PACRG: variants seen among roughly 807,000 people sequenced by gnomAD.
PACRG encodes parkin coregulated, also known as parkin coregulated gene protein.
In PACRG, 29 loss-of-function variants were observed where a neutral mutation model predicts 29.7. The observed-to-expected ratio is 0.98, with a 90% CI of 0.73 to 1.33. The LOEUF (loss-of-function observed/expected upper bound fraction) is 1.33, where lower values mean the gene tolerates loss of function less well. Among genes scored for constraint, PACRG ranks in the 40% most tolerant of loss-of-function variants. The probability of loss-of-function intolerance (pLI) is 0.00; values close to 1 mark genes in which losing one functional copy is unlikely to be tolerated. For synonymous variants in PACRG, 116 were observed against 118.7 expected (o/e 0.98, Z 0.15); for missense variants, 279 against 316.2 (o/e 0.88, Z 0.89).
intron 4 of PACRG, among the ~76,000 whole-genome samples, chr6:163,192,670 G>T (rs1034635680): frequency 6.6e-6 from 1 of 152,068 alleles, no homozygotes; most frequent in Non-Finnish European, 1.5e-5. Context: ...TTATCATAGC[G>T]TACAAAGCTA....
chr6:163,288,726 A>T (rs182542799), intron 4 of PACRG, among the ~76,000 whole-genome samples: 2 of 151,132 alleles, frequency 1.3e-5, no homozygotes, highest in East Asian at 3.9e-4. Flanking sequence ...CGTCTATACC[A>T]CTCAACACTT....
At chr6:163,003,332 TG>T (rs1288557898) in intron 2 of PACRG, among the ~76,000 whole-genome samples, 1 of 152,226 alleles carries the variant, frequency 6.6e-6, no homozygotes, top group Admixed American at 6.5e-5. Flanking sequence ...CCATAAAGCT[TG>T]CTTCAATAAT....
intron 4 of PACRG, among the ~76,000 whole-genome samples, chr6:163,173,465 A>G (rs1299493729): frequency 6.6e-6 from 1 of 152,188 alleles, no homozygotes. Context: ...AGGGTTATAA[A>G]GATACTGCAA....
At chr6:162,926,635 A>G in intron 2 of PACRG, among the ~76,000 whole-genome samples, 1 of 152,162 alleles carries the variant, frequency 6.6e-6, no homozygotes, top group Non-Finnish European at 1.5e-5. Flanking sequence ...CCTTCCTTAC[A>G]CATTATATAA....
intron 2 of PACRG, among the ~76,000 whole-genome samples, chr6:162,967,604 T>C (rs899199988): frequency 1.3e-5 from 2 of 151,954 alleles, no homozygotes; most frequent in African/African-American, 4.8e-5. Context: ...CCTCCCGGTT[T>C]CACGCCATTC....
chr6:163,077,854 G>A (rs952316659), intron 3 of PACRG, among the ~76,000 whole-genome samples: 4 of 152,174 alleles, frequency 2.6e-5, no homozygotes, highest in African/African-American at 7.2e-5. Flanking sequence ...ATCAACATCA[G>A]GCCTCGCCCT....
At chr6:163,247,038 C>G (rs1236363759) in intron 4 of PACRG, among the ~76,000 whole-genome samples, 1 of 152,088 alleles carries the variant, frequency 6.6e-6, no homozygotes, top group Non-Finnish European at 1.5e-5. Flanking sequence ...GCCAAGGGCC[C>G]AAAAGAAAAT....
chr6:162,866,470 T>A (rs574539571), intron 2 of PACRG, among the ~76,000 whole-genome samples: 1 of 152,186 alleles, frequency 6.6e-6, no homozygotes, highest in Non-Finnish European at 1.5e-5. Flanking sequence ...CCAGGTACTA[T>A]CCTTACTGAC....
At chr6:162,859,720 G>A (rs1791696087) in intron 2 of PACRG, among the ~76,000 whole-genome samples, 1 of 152,110 alleles carries the variant, frequency 6.6e-6, no homozygotes, top group East Asian at 1.9e-4. Flanking sequence ...AAACAAATAA[G>A]CCTTGCAGAG....
intron 4 of PACRG, among the ~76,000 whole-genome samples, chr6:163,313,142 G>T (rs1026856831): frequency 6.6e-6 from 1 of 151,108 alleles, no homozygotes; most frequent in Non-Finnish European, 1.5e-5. Flanking sequence ...TTGAATATTT[G>T]GGATGATCAA....
intron 2 of PACRG, among the ~76,000 whole-genome samples, chr6:163,039,397 C>A (rs1808490637): frequency 1.3e-5 from 2 of 152,258 alleles, no homozygotes; most frequent in South Asian, 4.1e-4. Context: ...TGGGGTACTG[C>A]TATAAAGATA....
At chr6:162,939,693 GT>G (rs1798483302) in intron 2 of PACRG, among the ~76,000 whole-genome samples, 1 of 151,798 alleles carries the variant, frequency 6.6e-6, no homozygotes, top group Non-Finnish European at 1.5e-5. Flanking sequence ...GTGTGTGTGT[GT>G]GTGTGTGTCA....
At chr6:162,751,911 C>T (rs1038845738) in intron 1 of PACRG, among the ~76,000 whole-genome samples, 4 of 152,096 alleles carry the variant, frequency 2.6e-5, no homozygotes, top group East Asian at 3.9e-4. Context: ...TCTTCTGTAT[C>T]GATCTGACAT....
At chr6:163,272,048 T>TG (rs1480088489) in intron 4 of PACRG, among the ~76,000 whole-genome samples, 1 of 151,278 alleles carries the variant, frequency 6.6e-6, no homozygotes, top group Non-Finnish European at 1.5e-5. Flanking sequence ...TTTTTCTTTT[T>TG]TTTTTTTCAA....
rs146811703 is a variant in PACRG, at chr6:162,929,613, C to G, written c.291+115332C>G. On this transcript the variant is annotated intron_variant, in intron 2 of 4. Transcript: ENST00000366888. ...CCCATTTGTCCATTTTTGCTTTGATCGTCTTTGCTTCTGAGGTCTTACACA... is the reference window on the plus strand; with the variant it reads ...CCCATTTGTCCATTTTTGCTTTGATGGTCTTTGCTTCTGAGGTCTTACACA... 2.2e-3 allele frequency among the ~76,000 whole-genome samples: 328 copies of G among 151,838 alleles called. 5 individuals are homozygous for G. The highest frequency in any genetic ancestry group is 7.0e-3 in the African/African-American group (290 of 41,470).
At chr6:162,955,384 C>T (rs970552395) in intron 2 of PACRG, among the ~76,000 whole-genome samples, 1 of 152,170 alleles carries the variant, frequency 6.6e-6, no homozygotes, top group African/African-American at 2.4e-5. Context: ...ACTGCAAGCT[C>T]TGCCTCCCGG....
At chr6:162,873,298 T>C (rs151080571) in intron 2 of PACRG, among the ~76,000 whole-genome samples, 7 of 152,148 alleles carry the variant, frequency 4.6e-5, no homozygotes, top group African/African-American at 1.7e-4. Flanking sequence ...CTGTCCATCA[T>C]AGATTCCTAA....
At chr6:162,769,801 T>C (rs1467415091) in intron 1 of PACRG, among the ~76,000 whole-genome samples, 1 of 151,688 alleles carries the variant, frequency 6.6e-6, no homozygotes, top group Non-Finnish European at 1.5e-5. Context: ...ATCAAAAGAC[T>C]TTTTTAAATC....
At chr6:163,141,941 C>A (rs1193468395) in intron 4 of PACRG, among the ~76,000 whole-genome samples, 2 of 151,980 alleles carry the variant, frequency 1.3e-5, no homozygotes, top group African/African-American at 4.8e-5. Flanking sequence ...GAATTCTGCA[C>A]CCAGTAGCGA....
Sources: gnomAD v4.1 joint callset for allele counts (sites outside exome capture counted in the v4.1 genomes callset) on GRCh38, gnomAD v4.1.1 for gene constraint, MANE v1.5 for transcripts, NCBI Gene and HGNC (gene_info 2026-07-23, HGNC 2026-07-21) for gene names.